Variants in GPC5 observed in about 807,000 individuals in gnomAD.
GPC5 encodes glypican-5.
In GPC5, 47 loss-of-function variants were observed where a neutral mutation model predicts 53.9. The ratio of observed to expected loss-of-function variants is 0.87; its 90% CI spans 0.69 to 1.11. The LOEUF (loss-of-function observed/expected upper bound fraction) is 1.11. Among genes scored for constraint, GPC5 ranks in the 50% most tolerant of loss-of-function variants. The pLI, the probability that GPC5 is intolerant of heterozygous loss-of-function variation, is 0.00. For synonymous variants in GPC5, 286 were observed against 263.3 expected, an observed-to-expected ratio of 1.09 and a Z score of -0.84; for missense variants, 748 against 713.1, an observed-to-expected ratio of 1.05 and a Z score of -0.56.
chr13:92,520,077 A>G (rs1760842557), intron 7 of GPC5, among the ~76,000 whole-genome samples: 1 of 152,228 alleles, frequency 6.6e-6, no homozygotes, highest in Non-Finnish European at 1.5e-5. Flanking sequence ...AGACTAAACC[A>G]GTAAGAAGTT....
At chr13:91,849,325 T>A (rs1055851981) in intron 5 of GPC5, among the ~76,000 whole-genome samples, 2 of 152,178 alleles carry the variant, frequency 1.3e-5, no homozygotes, top group African/African-American at 4.8e-5. Flanking sequence ...TCCCAGACAC[T>A]GCTATATAGA....
At chr13:92,835,225 T>G (rs143368947) in intron 7 of GPC5, among the ~76,000 whole-genome samples, 1 of 152,156 alleles carries the variant, frequency 6.6e-6, no homozygotes, top group Non-Finnish European at 1.5e-5. Context: ...ATTAATATGA[T>G]TTTATATAAA....
At chr13:92,665,210 G>T (rs1054980785) in intron 7 of GPC5, among the ~76,000 whole-genome samples, 25 of 152,094 alleles carry the variant, frequency 1.6e-4, no homozygotes. Context: ...TAAAATTAAT[G>T]AAAAGAAAGA....
chr13:92,865,742 A>G (rs142967450), intron 7 of GPC5, among the ~76,000 whole-genome samples: 2 of 152,294 alleles, frequency 1.3e-5, no homozygotes, highest in African/African-American at 4.8e-5. Flanking sequence ...TTGTCAAAAT[A>G]TCACATTGTA....
intron 7 of GPC5, among the ~76,000 whole-genome samples, chr13:92,567,446 A>G (rs1280313575): frequency 1.3e-5 from 2 of 152,130 alleles, no homozygotes; most frequent in Non-Finnish European, 1.5e-5. Flanking sequence ...CCAAGAAACC[A>G]TGAATGTGTT....
intron 5 of GPC5, among the ~76,000 whole-genome samples, chr13:91,771,671 T>TTATA (rs2037627423): frequency 6.6e-6 from 1 of 152,198 alleles, no homozygotes; most frequent in African/African-American, 2.4e-5. Context: ...AGTTGATTGA[T>TTATA]TATATTTCTA....
intron 7 of GPC5, among the ~76,000 whole-genome samples, chr13:92,650,925 T>C (rs1011973587): frequency 1.3e-5 from 2 of 152,090 alleles, no homozygotes; most frequent in African/African-American, 4.8e-5. Context: ...CCCCTCATCC[T>C]GGTGTGTGTT....
At chr13:92,640,088 G>A (rs1335949921) in intron 7 of GPC5, among the ~76,000 whole-genome samples, 1 of 151,692 alleles carries the variant, frequency 6.6e-6, no homozygotes, top group Non-Finnish European at 1.5e-5. Flanking sequence ...CTCAGTATGA[G>A]ACAGATATAT....
intron 2 of GPC5, among the ~76,000 whole-genome samples, chr13:91,545,358 C>A (rs1283363228): frequency 6.6e-6 from 1 of 152,090 alleles, no homozygotes; most frequent in Admixed American, 6.6e-5. Context: ...ACTGTGAACT[C>A]CCTGATAATT....
At chr13:92,609,411 G>A (rs1423279065) in intron 7 of GPC5, among the ~76,000 whole-genome samples, 1 of 152,070 alleles carries the variant, frequency 6.6e-6, no homozygotes, top group African/African-American at 2.4e-5. Flanking sequence ...TAGCAGGTTT[G>A]TTCTAAGATT....
chr13:91,760,020 T>C (rs1189523024), intron 5 of GPC5, among the ~76,000 whole-genome samples: 1 of 152,140 alleles, frequency 6.6e-6, no homozygotes, highest in African/African-American at 2.4e-5. Flanking sequence ...GGTCTTTTAT[T>C]TTTTAATTTG....
intron 5 of GPC5, among the ~76,000 whole-genome samples, chr13:91,866,555 G>A (rs553695413): frequency 1.8e-4 from 28 of 152,108 alleles, no homozygotes; most frequent in African/African-American, 5.8e-4. Flanking sequence ...GTAATACTTC[G>A]GCTCCCCCTT....
At chr13:92,057,421 GA>G (rs1320155661) in intron 6 of GPC5, among the ~76,000 whole-genome samples, 3 of 152,134 alleles carry the variant, frequency 2.0e-5, no homozygotes, top group African/African-American at 7.2e-5. Flanking sequence ...GCAGAATCAA[GA>G]AAAACTAAAA....
intron 7 of GPC5, among the ~76,000 whole-genome samples, chr13:92,841,801 GATTT>G (rs1333937759): frequency 1.3e-5 from 2 of 152,034 alleles, no homozygotes; most frequent in African/African-American, 2.4e-5. Context: ...TTTTCCTTAT[GATTT>G]ATTTGTGTAA....
chr13:92,281,926 G>A (rs1000319374), intron 7 of GPC5, among the ~76,000 whole-genome samples: 1 of 152,028 alleles, frequency 6.6e-6, no homozygotes, highest in Non-Finnish European at 1.5e-5. Context: ...AGAGAAGAAG[G>A]CTTCAGACGA....
At chr13:92,787,096 T>C (rs1876264465) in intron 7 of GPC5, among the ~76,000 whole-genome samples, 1 of 152,140 alleles carries the variant, frequency 6.6e-6, no homozygotes, top group Admixed American at 6.5e-5. Flanking sequence ...AAATGTATTA[T>C]TGGATTTGAA....
At chr13:92,271,669 G>A (rs2042840895) in intron 7 of GPC5, among the ~76,000 whole-genome samples, 1 of 152,148 alleles carries the variant, frequency 6.6e-6, no homozygotes, top group Admixed American at 6.5e-5. Flanking sequence ...AAGAAATCCA[G>A]GGTGGAGTTG....
chr13:91,814,684 G>A (rs1475727402), intron 5 of GPC5, among the ~76,000 whole-genome samples: 1 of 152,084 alleles, frequency 6.6e-6, no homozygotes, highest in Non-Finnish European at 1.5e-5. Flanking sequence ...GGGATTACAG[G>A]CACCCATCAC....
intron 6 of GPC5, among the ~76,000 whole-genome samples, chr13:92,064,598 A>C (rs2041150927): frequency 6.6e-6 from 1 of 152,056 alleles, no homozygotes; most frequent in Non-Finnish European, 1.5e-5. Context: ...TCTACTAAAA[A>C]TACAAAAATT....
Sources: allele counts gnomAD v4.1 joint callset (sites outside exome capture counted in the v4.1 genomes callset), GRCh38; gene constraint gnomAD v4.1.1; transcripts MANE v1.5; gene names NCBI Gene and HGNC (gene_info 2026-07-23, HGNC 2026-07-21).